Variants in SARDH observed in about 807,000 individuals in gnomAD.
The protein encoded by SARDH is sarcosine dehydrogenase, also known as sarcosine dehydrogenase, mitochondrial.
SARDH carries 95 observed loss-of-function variants against 109.1 expected under a neutral mutation model. That is an observed-to-expected ratio of 0.87 (90% CI 0.74 to 1.03). The LOEUF (loss-of-function observed/expected upper bound fraction) is 1.03, where lower values mean the gene tolerates loss of function less well. SARDH is among the 50% of genes least tolerant of loss of function. The pLI is 0.00. For synonymous variants in SARDH, 572 were observed against 534.8 expected, an observed-to-expected ratio of 1.07 and a Z score of -0.96; for missense variants, 1,267 against 1,287.8, an observed-to-expected ratio of 0.98 and a Z score of 0.25.
intron 1 of SARDH, among the ~76,000 whole-genome samples, chr9:133,734,889 T>C (rs545108626): frequency 6.6e-6 from 1 of 152,284 alleles, no homozygotes; most frequent in East Asian, 1.9e-4. Flanking sequence ...CAAGCAGCCC[T>C]GCTGCCCCAC....
At chr9:133,688,952 G>A (rs1166116740) in intron 16 of SARDH, among the ~76,000 whole-genome samples, 1 of 152,236 alleles carries the variant, frequency 6.6e-6, no homozygotes, top group Non-Finnish European at 1.5e-5. Flanking sequence ...GCACCACAGT[G>A]CATATGCTTG....
chr9:133,671,442 A>G, intron 18 of SARDH, 93 bp downstream of exon 18: 21 of 1,401,130 alleles, frequency 1.5e-5, no homozygotes, highest in Non-Finnish European at 2.0e-5. Context: ...AACACAGGGA[A>G]GGTAAACAGC....
chr9:133,673,864 G>C lies in SARDH; in HGVS notation c.2164-2167C>G, dbSNP rs60193008. Among the ~76,000 whole-genome samples, 1,011 of 152,320 alleles carry C rather than the reference G, an allele frequency of 6.6e-3. 10 individuals carry two copies. Among genetic ancestry groups the C allele is most frequent in the African/African-American group, 0.024 (977 of 41,566 alleles). On this transcript the variant is annotated intron_variant, in intron 17 of 20. Transcript: ENST00000439388. ...TGTTCAGACAAAGACCCGTCACCCA[G>C]CTCAGGGAGAGGGTTGGAGTTCACG...
intron 11 of SARDH, among the ~76,000 whole-genome samples, chr9:133,707,460 A>T: frequency 6.6e-6 from 1 of 152,056 alleles, no homozygotes; most frequent in East Asian, 1.9e-4. Flanking sequence ...CCCTGTGACC[A>T]CTCTGGGCCT....
Position 133,683,540 on chromosome 9 carries a change from GCTCT to G in SARDH, c.2163+1649_2163+1652del, listed in dbSNP as rs957945029. On this transcript the variant is annotated intron_variant, in intron 17 of 20. Coordinates refer to ENST00000439388, the MANE Select transcript of SARDH (RefSeq NM_001134707.2). Reference sequence around the variant, plus strand: ...CGTGTGGCCTGGATCCAGCTGTGCTGCTCTCTCTGAGTGCCCACCCTCTCTGGTC... The same window carrying G: ...CGTGTGGCCTGGATCCAGCTGTGCTGCTCTGAGTGCCCACCCTCTCTGGTC... Among the ~76,000 whole-genome samples, 6 of 152,296 alleles carry G rather than the reference GCTCT, an allele frequency of 3.9e-5. No individual in the cohort carries two copies. The East Asian group carries it at 5.8e-4, about 15-fold the overall frequency.
chr9:133,706,517 A>G (rs1316617296), intron 11 of SARDH, among the ~76,000 whole-genome samples: 5 of 152,184 alleles, frequency 3.3e-5, no homozygotes, highest in Admixed American at 2.0e-4. Flanking sequence ...ATGTTCTGGA[A>G]CTGGGTAATG....
At chr9:133,713,204 A>G in intron 8 of SARDH, 80 bp from the exon 9 acceptor site, 1 of 1,309,182 alleles carries the variant, frequency 7.6e-7, no homozygotes, top group Non-Finnish European at 1.1e-6. Context: ...GAGAGCAGTG[A>G]TCAGGCAGGG....
At chr9:133,672,852 T>C (rs151277015) in intron 17 of SARDH, among the ~76,000 whole-genome samples, 114 of 152,328 alleles carry the variant, frequency 7.5e-4, no homozygotes, top group African/African-American at 2.7e-3. Context: ...GGCCCAGCGT[T>C]GGGCAGCGGA....
At chr9:133,660,258 C>T (rs1564217622), downstream of SARDH, among the ~76,000 whole-genome samples, 2 of 152,054 alleles carry the variant, frequency 1.3e-5, no homozygotes, top group Non-Finnish European at 2.9e-5. Context: ...TCTCGTGAAG[C>T]CATGTAGTTT....
At chr9:133,703,077 C>G in intron 12 of SARDH, 48 bp from the exon 13 acceptor site, 1 of 1,515,726 alleles carries the variant, frequency 6.6e-7, no homozygotes, top group Non-Finnish European at 9.0e-7. Flanking sequence ...GGCCCCTCCC[C>G]GCTTCCCTCC....
At chr9:133,690,921 G>A (rs578062995) in intron 15 of SARDH, among the ~76,000 whole-genome samples, 2 of 152,146 alleles carry the variant, frequency 1.3e-5, no homozygotes, top group South Asian at 4.1e-4. Context: ...CTGTAAAAGG[G>A]GCAGACCCAC....
At chr9:133,699,982 T>C (rs1431045208) in intron 13 of SARDH, among the ~76,000 whole-genome samples, 1 of 152,118 alleles carries the variant, frequency 6.6e-6, no homozygotes, top group Non-Finnish European at 1.5e-5. Flanking sequence ...AACGGATCAA[T>C]GGATGAGTAA....
At position 133,730,135 on chromosome 9, in the gene SARDH, C is replaced by G. The variant is rs1395696306; in HGVS notation, c.743G>C (p.Gly248Ala). ...CTCCACACCCGCGACCCGCCGCACC[C>G]CAAAATCATCCGTCCACACACGAAT... ...TGIRVWTDDF[G>A]VRRVAGVETQ... is the part of the protein sequence containing the mutation. The change falls in exon 5 of 21, where the codon GGG becomes GCG. Residue 248 changes from glycine (G) to alanine (A), a missense_variant. Physicochemically the swap from Gly to Ala is moderately conservative, Grantham distance 60 (BLOSUM62 0). Coordinates refer to ENST00000439388, the MANE Select transcript of SARDH (RefSeq NM_001134707.2). The G allele has an allele frequency of 6.2e-7, 1 of 1,614,120 alleles. No individual in the cohort carries two copies. The highest frequency in any genetic ancestry group is 8.5e-7 in the Non-Finnish European group (1 of 1,180,052).
intron 11 of SARDH, 113 bp from the exon 12 acceptor site, chr9:133,705,144 T>C: frequency 9.4e-7 from 1 of 1,059,004 alleles, no homozygotes. Context: ...AAGGAGGCCC[T>C]GACTCTTGGA....
rs1832201051 is a variant in SARDH, at chr9:133,718,313, C to G, written c.1020+625G>C. 1 of 174,490 alleles carries G rather than the reference C, an allele frequency of 5.7e-6. No individual in the cohort carries two copies. Among genetic ancestry groups the G allele is most frequent in the South Asian group, 1.5e-4 (1 of 6,614 alleles). 10.8% of individuals were successfully genotyped at this position (174,490 alleles called of 1,614,324 possible). On this transcript the variant is annotated intron_variant, in intron 7 of 20. Coordinates refer to ENST00000439388, the MANE Select transcript of SARDH (RefSeq NM_001134707.2). The surrounding 1 kb of genome is among the most constrained non-coding windows in gnomAD (Gnocchi z 4.2). ...CCTCAAATTCCTGACCTCAGGTGGT[C>G]CGCCCACCTCAGCCTCCCAAAGTGC...
At chr9:133,737,278 G>A (rs1832915540) in intron 1 of SARDH, among the ~76,000 whole-genome samples, 1 of 152,220 alleles carries the variant, frequency 6.6e-6, no homozygotes, top group Admixed American at 6.5e-5. Context: ...TCCCAAGGGA[G>A]GGAGCAGGGA....
chr9:133,729,819 C>G lies in SARDH; in HGVS notation c.861G>C (p.Pro287=), dbSNP rs774569469. The G allele has an allele frequency of 6.2e-7, 1 of 1,612,450 alleles. No individual in the cohort carries two copies. The highest frequency in any genetic ancestry group is 1.3e-5 in the African/African-American group (1 of 74,930). Residue 287 remains proline, a synonymous_variant, in exon 6 of 21, where the codon CCG becomes CCC. Coordinates refer to ENST00000439388, the MANE Select transcript of SARDH (RefSeq NM_001134707.2). ...CATAGGCATGGTGCATGGCCACCAG[C>G]GGGACCTTGACTCCAGCCATCCGGC... ...AVGRMAGVKV[P]LVAMHHAYVV...
chr9:133,688,046 G>A (rs996234601), intron 16 of SARDH, among the ~76,000 whole-genome samples: 2 of 152,070 alleles, frequency 1.3e-5, no homozygotes, highest in Admixed American at 6.5e-5. Flanking sequence ...CTCCCTCCAC[G>A]GCCCACCTGC....
intron 18 of SARDH, among the ~76,000 whole-genome samples, 172 bp from the exon 19 acceptor site, chr9:133,670,924 G>A (rs1399421302): frequency 2.6e-5 from 4 of 152,182 alleles, no homozygotes; most frequent in Non-Finnish European, 5.9e-5. Flanking sequence ...AAGGTTCCCT[G>A]GGGCGACCGC....
Sources: gnomAD v4.1 joint callset for allele counts (sites outside exome capture counted in the v4.1 genomes callset) on GRCh38, gnomAD v4.1.1 for gene constraint, Gnocchi (gnomAD v3.1) non-coding constraint, MANE v1.5 for transcripts, NCBI Gene and HGNC (gene_info 2026-07-23, HGNC 2026-07-21) for gene names.